The following TMEM178B variants were observed in gnomAD, a reference collection of about 807,000 sequenced individuals.
The protein encoded by TMEM178B is transmembrane protein 178B.
A neutral mutation model predicts 31.0 loss-of-function variants in TMEM178B; 5 were observed. The observed-to-expected ratio is 0.16, with a 90% CI of 0.08 to 0.34. TMEM178B has a LOEUF of 0.34. Ranked by LOEUF, TMEM178B falls within the 10% of genes least tolerant of loss-of-function variation. The pLI, the probability that TMEM178B is intolerant of heterozygous loss-of-function variation, is 1.00. For synonymous variants in TMEM178B, 164 were observed against 164.0 expected (o/e 1.00, Z 0.00); for missense variants, 275 against 400.3 (o/e 0.69, Z 2.67).
intron 2 of TMEM178B, among the ~76,000 whole-genome samples, chr7:141,397,773 AG>A (rs1800683022): frequency 6.6e-6 from 1 of 152,212 alleles, no homozygotes; most frequent in Non-Finnish European, 1.5e-5. Context: ...TTTCATAGGA[AG>A]CTATATTCCA....
At chr7:141,134,928 A>T (rs1232423285) in intron 1 of TMEM178B, among the ~76,000 whole-genome samples, 1 of 152,170 alleles carries the variant, frequency 6.6e-6, no homozygotes, top group Non-Finnish European at 1.5e-5. Context: ...CCAGTGGGAG[A>T]TGACTGAATC....
intron 2 of TMEM178B, among the ~76,000 whole-genome samples, chr7:141,414,001 T>A (rs1801052085): frequency 6.6e-6 from 1 of 152,188 alleles, no homozygotes; most frequent in South Asian, 2.1e-4. Flanking sequence ...TATAATTACG[T>A]ATCCAGGAGC....
At chr7:141,229,437 T>A (rs1797405294) in intron 2 of TMEM178B, among the ~76,000 whole-genome samples, 1 of 152,120 alleles carries the variant, frequency 6.6e-6, no homozygotes, top group Admixed American at 6.5e-5. Flanking sequence ...CCCAGTTCCA[T>A]GGAGCAGGGG....
chr7:141,263,796 A>T (rs894726802), intron 2 of TMEM178B, among the ~76,000 whole-genome samples: 1 of 152,194 alleles, frequency 6.6e-6, no homozygotes, highest in Non-Finnish European at 1.5e-5. Context: ...TCTGACACCA[A>T]TTGTAGATTC....
chr7:141,370,867 A>T (rs757161552), intron 2 of TMEM178B, among the ~76,000 whole-genome samples: 1 of 152,238 alleles, frequency 6.6e-6, no homozygotes, highest in East Asian at 1.9e-4. Context: ...CAAGACTCTC[A>T]GTCATGCGGC....
At chr7:141,451,845 C>A (rs180777330) in intron 3 of TMEM178B, among the ~76,000 whole-genome samples, 131 of 152,278 alleles carry the variant, frequency 8.6e-4, no homozygotes, top group Non-Finnish European at 1.6e-3. Context: ...CAACCCACTT[C>A]ATCTCTTGGA....
At chr7:141,139,593 T>C (rs1795733792) in intron 1 of TMEM178B, among the ~76,000 whole-genome samples, 1 of 152,088 alleles carries the variant, frequency 6.6e-6, no homozygotes, top group South Asian at 2.1e-4. Context: ...TCGTCTGCCT[T>C]GGCCTCCCAA....
chr7:141,491,882 C>T, the TMEM178B span, among the ~76,000 whole-genome samples: 7 of 152,194 alleles, frequency 4.6e-5, no homozygotes, highest in East Asian at 1.3e-3. Context: ...CATCTCTCCC[C>T]TGGACCACCA....
intron 2 of TMEM178B, among the ~76,000 whole-genome samples, chr7:141,215,908 CTTTCTT>C (rs1797136003): frequency 8.6e-6 from 1 of 115,734 alleles, no homozygotes; most frequent in Non-Finnish European, 1.9e-5. Flanking sequence ...TTCTTTCTTT[CTTTCTT>C]TTTTTTTTTT....
the TMEM178B span, among the ~76,000 whole-genome samples, chr7:141,506,869 G>T: frequency 1.3e-5 from 2 of 152,142 alleles, no homozygotes; most frequent in Non-Finnish European, 2.9e-5. Flanking sequence ...TACAGGTATT[G>T]GGTAAATACA....
chr7:141,253,131 C>T (rs952219336), intron 2 of TMEM178B, among the ~76,000 whole-genome samples: 3 of 152,254 alleles, frequency 2.0e-5, no homozygotes, highest in Admixed American at 6.5e-5. Context: ...TTGGCTCCTG[C>T]AGGCTCTCAG....
At chr7:141,327,530 T>C (rs997989313) in intron 2 of TMEM178B, among the ~76,000 whole-genome samples, 4 of 152,214 alleles carry the variant, frequency 2.6e-5, no homozygotes, top group Non-Finnish European at 5.9e-5. Flanking sequence ...TTTGATGTTA[T>C]AGATTTCATG....
rs1254987910 is a variant in TMEM178B at position 141,171,193 on chromosome 7, A to G, written c.383-41398A>G. 1.3e-5 allele frequency among the ~76,000 whole-genome samples: 2 copies of G among 152,056 alleles called. No individual in the cohort carries two copies. The highest frequency in any genetic ancestry group is 4.8e-5 in the African/African-American group (2 of 41,408). On this transcript the variant is annotated intron_variant, in intron 1 of 3. Coordinates refer to ENST00000565468, the MANE Select transcript of TMEM178B (RefSeq NM_001195278.2). This position sits in a 1 kb window ranked among gnomAD's most constrained non-coding sequence, Gnocchi z 4.3. ...ATAGGTTGGGTGCAGTGGCTCATGC[A>G]TGTAATTCCAGCACTTTGGGAGGCT... is the stretch of plus-strand genomic sequence containing the variant.
rs147834833 is a variant in TMEM178B at position 141,303,362 on chromosome 7, A to G, written c.496+90658A>G. Among the ~76,000 whole-genome samples, 393 of 152,348 alleles carry G rather than the reference A, an allele frequency of 2.6e-3. 4 individuals are homozygous for G. The highest frequency in any genetic ancestry group is 9.0e-3 in the African/African-American group (374 of 41,588). Reference sequence around the variant, plus strand: ...CTTCCATGAATAGTTGTCTTGGGTAAGGATCAAACAATTATACTCCAATTA... The same window carrying G: ...CTTCCATGAATAGTTGTCTTGGGTAGGGATCAAACAATTATACTCCAATTA... On this transcript the variant is annotated intron_variant, in intron 2 of 3. Coordinates refer to ENST00000565468, the MANE Select transcript of TMEM178B (RefSeq NM_001195278.2).
At chr7:141,246,425 G>A (rs934883505) in intron 2 of TMEM178B, among the ~76,000 whole-genome samples, 12 of 152,222 alleles carry the variant, frequency 7.9e-5, no homozygotes, top group Non-Finnish European at 1.5e-5. Context: ...GGTATTTGGA[G>A]TAACGTCCAT....
At chr7:141,337,841 GA>G (rs750965747) in intron 2 of TMEM178B, among the ~76,000 whole-genome samples, 2 of 151,878 alleles carry the variant, frequency 1.3e-5, no homozygotes, top group South Asian at 2.1e-4. Context: ...AAAATGGTTT[GA>G]TTTTTTTTTT....
At chr7:141,482,933 T>C (rs1351471193), downstream of TMEM178B, among the ~76,000 whole-genome samples, 1 of 146,836 alleles carries the variant, frequency 6.8e-6, no homozygotes, top group Non-Finnish European at 1.5e-5. Flanking sequence ...GGTGGGGGGG[T>C]GGTGTTAGTC....
chr7:141,078,449 T>C (rs1463676596), intron 1 of TMEM178B, among the ~76,000 whole-genome samples: 1 of 152,214 alleles, frequency 6.6e-6, no homozygotes, highest in Non-Finnish European at 1.5e-5. Flanking sequence ...AACATTCACA[T>C]ATTTAAAAAT....
chr7:141,198,876 G>T (rs904404280), intron 1 of TMEM178B, among the ~76,000 whole-genome samples: 2 of 152,350 alleles, frequency 1.3e-5, no homozygotes, highest in East Asian at 3.9e-4. Flanking sequence ...CAGGCAGGGT[G>T]GTGGCAGCTC....
Sources: gnomAD v4.1 joint callset for allele counts (sites outside exome capture counted in the v4.1 genomes callset) on GRCh38, gnomAD v4.1.1 for gene constraint, Gnocchi (gnomAD v3.1) non-coding constraint, MANE v1.5 for transcripts, NCBI Gene and HGNC (gene_info 2026-07-23, HGNC 2026-07-21) for gene names.